DCC: variants seen among roughly 807,000 people sequenced by gnomAD.
DCC encodes the protein DCC netrin 1 receptor.
Under a neutral mutation model 172.5 loss-of-function variants are expected in DCC, and 58 were observed. The observed-to-expected ratio is 0.34, with a 90% CI of 0.27 to 0.42. DCC has a LOEUF of 0.42. Among genes scored for constraint, DCC ranks in the 10% least tolerant of loss-of-function variants. The pLI, the probability that DCC is intolerant of heterozygous loss-of-function variation, is 1.00. For missense variants in DCC, 1,740 were observed against 1,791.0 expected (o/e 0.97, Z 0.51); for synonymous variants, 709 against 644.5 (o/e 1.10, Z -1.52).
rs1355988597 is a variant in DCC at position 52,511,751 on chromosome 18, C to A, written c.91+170873C>A. On this transcript the variant is annotated intron_variant, in intron 1 of 28. Transcript: ENST00000442544. ...CATTTTAATCCCACATACAAATAGA[C>A]TGAAGCTCACAGATATTAAACAATT... Among the ~76,000 whole-genome samples, 30 of 152,154 alleles carry A rather than the reference C, an allele frequency of 2.0e-4. 2 individuals are homozygous for A. Among genetic ancestry groups the A allele is most frequent in the Admixed American group, 2.0e-3 (30 of 15,272 alleles).
chr18:52,666,718 A>G (rs2035464189), intron 1 of DCC, among the ~76,000 whole-genome samples: 1 of 152,206 alleles, frequency 6.6e-6, no homozygotes, highest in South Asian at 2.1e-4. Flanking sequence ...AATTTGTCTA[A>G]AGAAAATAAC....
chr18:53,041,979 A>C (rs1196257949), intron 5 of DCC, among the ~76,000 whole-genome samples: 8 of 151,982 alleles, frequency 5.3e-5, no homozygotes, highest in African/African-American at 1.9e-4. Flanking sequence ...CTCTCTTCCT[A>C]CTTATATACC....
intron 5 of DCC, among the ~76,000 whole-genome samples, chr18:52,990,765 A>G (rs2041376637): frequency 6.6e-6 from 1 of 152,120 alleles, no homozygotes. Context: ...AAAAGAAACA[A>G]TTTTTATAGA....
chr18:53,494,170 G>T (rs2045991787), intron 26 of DCC, among the ~76,000 whole-genome samples: 1 of 152,178 alleles, frequency 6.6e-6, no homozygotes, highest in Non-Finnish European at 1.5e-5. Flanking sequence ...GTTCTAATTT[G>T]ATTGCACTGT....
intron 1 of DCC, among the ~76,000 whole-genome samples, chr18:52,395,763 C>T (rs1388258393): frequency 2.0e-5 from 3 of 151,962 alleles, no homozygotes; most frequent in Non-Finnish European, 2.9e-5. Context: ...ACATCTATTA[C>T]GGGTCATGGC....
intron 2 of DCC, among the ~76,000 whole-genome samples, chr18:52,777,296 C>T (rs773860640): frequency 2.0e-5 from 2 of 102,414 alleles, no homozygotes; most frequent in African/African-American, 3.4e-5. Flanking sequence ...CAGGAGGGAC[C>T]ACAGTGGCCC....
At chr18:52,832,065 G>A (rs919764153) in intron 2 of DCC, among the ~76,000 whole-genome samples, 1 of 152,128 alleles carries the variant, frequency 6.6e-6, no homozygotes, top group African/African-American at 2.4e-5. Flanking sequence ...ACTTTTTTCA[G>A]ACTGGTGGGT....
intron 2 of DCC, among the ~76,000 whole-genome samples, chr18:52,801,890 C>G (rs1005235785): frequency 5.3e-5 from 8 of 152,036 alleles, no homozygotes; most frequent in Non-Finnish European, 8.8e-5. Flanking sequence ...TCTCTATGTG[C>G]TTGTCTGTTC....
chr18:52,486,528 A>C (rs1178262538), intron 1 of DCC, among the ~76,000 whole-genome samples: 1 of 152,158 alleles, frequency 6.6e-6, no homozygotes, highest in African/African-American at 2.4e-5. Flanking sequence ...AGAAACAAAC[A>C]ATCACTGAAG....
At position 52,783,323 on chromosome 18, in the gene DCC, C is replaced by CTTTTTTTTTTTT. The variant is rs374129823; in HGVS notation, c.412+30976_412+30987dup. On this transcript the variant is annotated intron_variant, in intron 2 of 28. Coordinates refer to ENST00000442544, the MANE Select transcript of DCC (RefSeq NM_005215.4). ...ACTAAAAATAATTTATACTACTACT[C>CTTTTTTTTTTTT]TTTTTTTTTTTTTTTTTTTTTTTTT... is the stretch of plus-strand genomic sequence containing the variant. 9.2e-3 allele frequency among the ~76,000 whole-genome samples: 547 copies of CTTTTTTTTTTTT among 59,234 alleles called. 101 individuals are homozygous for CTTTTTTTTTTTT. The highest frequency in any genetic ancestry group is 0.012 in the South Asian group (17 of 1,388). The allele number at this position is 59,234 out of a possible 152,430, so 38.9% of individuals were successfully genotyped here. A position where few individuals can be genotyped will look rare whatever the true frequency, so the allele number is the denominator to read the frequency against.
rs28850340 is a variant in DCC, at chr18:52,516,797, G to A, written c.91+175919G>A. On this transcript the variant is annotated intron_variant, in intron 1 of 28. Coordinates refer to ENST00000442544, the MANE Select transcript of DCC (RefSeq NM_005215.4). Reference sequence around the variant, plus strand: ...ATCAGATCTGATTATATTGTCTTTTGAGAAGTAAGTTACCTTGTTAAGAAT... The same window carrying A: ...ATCAGATCTGATTATATTGTCTTTTAAGAAGTAAGTTACCTTGTTAAGAAT... Among the ~76,000 whole-genome samples the A allele has an allele frequency of 8.5e-3, 1,286 of 152,026 alleles. 25 individuals carry two copies. The highest frequency in any genetic ancestry group is 0.03 in the African/African-American group (1,236 of 41,446).
intron 7 of DCC, among the ~76,000 whole-genome samples, chr18:53,107,197 C>A (rs1218688903): frequency 3.3e-5 from 5 of 151,846 alleles, no homozygotes; most frequent in Non-Finnish European, 2.9e-5. Flanking sequence ...ACGCCTCTGA[C>A]AATTTAAATG....
At chr18:53,358,528 C>T (rs1399502612) in intron 15 of DCC, among the ~76,000 whole-genome samples, 1 of 104,518 alleles carries the variant, frequency 9.6e-6, no homozygotes, top group Non-Finnish European at 1.9e-5. Flanking sequence ...TATTCTCTCT[C>T]TCTTTTTTTT....
chr18:52,823,830 GA>G (rs1262744203), intron 2 of DCC, among the ~76,000 whole-genome samples: 2 of 152,140 alleles, frequency 1.3e-5, no homozygotes, highest in East Asian at 3.9e-4. Flanking sequence ...TGGGGTGCCT[GA>G]GTGAGATAAA....
chr18:53,183,611 A>G (rs17408393), intron 9 of DCC, among the ~76,000 whole-genome samples: 43,608 of 151,982 alleles, frequency 0.29, 8,012 homozygotes, highest in Non-Finnish European at 0.42. Context: ...TCAATTACCT[A>G]CAAAACTCTT....
intron 1 of DCC, among the ~76,000 whole-genome samples, chr18:52,533,632 T>C (rs2144688609): frequency 6.6e-6 from 1 of 152,278 alleles, no homozygotes; most frequent in Non-Finnish European, 1.5e-5. Flanking sequence ...TGTTTAACCA[T>C]TCACCCACTG....
At chr18:52,519,500 C>T (rs2031742381) in intron 1 of DCC, among the ~76,000 whole-genome samples, 1 of 152,088 alleles carries the variant, frequency 6.6e-6, no homozygotes, top group Admixed American at 6.5e-5. Flanking sequence ...TAATCATTTC[C>T]ACTAGCTTTA....
intron 12 of DCC, among the ~76,000 whole-genome samples, chr18:53,295,599 G>C (rs1178916664): frequency 6.6e-6 from 1 of 152,110 alleles, no homozygotes; most frequent in Non-Finnish European, 1.5e-5. Context: ...GAGATTATGA[G>C]TATAACATTT....
intron 1 of DCC, among the ~76,000 whole-genome samples, chr18:52,532,208 G>C (rs931279675): frequency 3.9e-5 from 6 of 152,094 alleles, no homozygotes; most frequent in African/African-American, 1.4e-4. Flanking sequence ...GAATAAAATA[G>C]TTATGTTGGC....
Sources: allele counts gnomAD v4.1 joint callset (sites outside exome capture counted in the v4.1 genomes callset), GRCh38; gene constraint gnomAD v4.1.1; transcripts MANE v1.5; gene names NCBI Gene and HGNC (gene_info 2026-07-23, HGNC 2026-07-21).